AGBL4: variants seen among roughly 807,000 people sequenced by gnomAD.
AGBL4 encodes AGBL carboxypeptidase 4.
A neutral mutation model predicts 66.4 loss-of-function variants in AGBL4; 58 were observed. That is an observed-to-expected ratio of 0.87 (90% confidence interval 0.71 to 1.09). The LOEUF (loss-of-function observed/expected upper bound fraction) is 1.09. AGBL4 is among the 50% of genes least tolerant of loss of function. The pLI is 0.00. For synonymous variants in AGBL4, 234 were observed against 222.9 expected, an observed-to-expected ratio of 1.05 and a Z score of -0.44; for missense variants, 579 against 631.0, an observed-to-expected ratio of 0.92 and a Z score of 0.88.
chr1:49,785,893 A>ATAT (rs1553122705), intron 2 of AGBL4, among the ~76,000 whole-genome samples: 46 of 140,912 alleles, frequency 3.3e-4, no homozygotes, highest in African/African-American at 6.7e-4. Context: ...GGAAAAAAAA[A>ATAT]ATATATATAT....
At chr1:49,484,013 G>T (rs1647011123) in intron 3 of AGBL4, among the ~76,000 whole-genome samples, 1 of 151,930 alleles carries the variant, frequency 6.6e-6, no homozygotes, top group African/African-American at 2.4e-5. Flanking sequence ...CAACATTATT[G>T]ATCATCAGAG....
chr1:48,705,169 G>T (rs1646862717), intron 6 of AGBL4, among the ~76,000 whole-genome samples: 1 of 152,010 alleles, frequency 6.6e-6, no homozygotes, highest in Non-Finnish European at 1.5e-5. Context: ...ATTAGGGAAT[G>T]AATTTACAAA....
chr1:48,907,131 T>A (rs1392462718), intron 5 of AGBL4, among the ~76,000 whole-genome samples: 1 of 152,190 alleles, frequency 6.6e-6, no homozygotes, highest in Non-Finnish European at 1.5e-5. Flanking sequence ...GTCTTGGATA[T>A]GAAAAGCATT....
rs1186915086 is a variant in AGBL4 at position 49,530,278 on chromosome 1, A to AAAAAAAAAC, written c.282+167034_282+167035insGTTTTTTTT. ...AATTTGTAAAAAAAAAAAAACAAAA[A>AAAAAAAAAC]AAAACTCTATGAGTTTTTTTTTATT... On this transcript the variant is annotated intron_variant, in intron 3 of 13. Coordinates refer to ENST00000371839, the MANE Select transcript of AGBL4 (RefSeq NM_032785.4). Among the ~76,000 whole-genome samples the AAAAAAAAAC allele has an allele frequency of 2.1e-5, 3 of 145,118 alleles. 1 individual carries two copies. The highest frequency in any genetic ancestry group is 1.4e-4 in the Admixed American group (2 of 14,636).
chr1:49,063,075 T>G (rs1028148215), intron 4 of AGBL4, among the ~76,000 whole-genome samples: 1 of 152,220 alleles, frequency 6.6e-6, no homozygotes, highest in African/African-American at 2.4e-5. Context: ...TTAACTCATC[T>G]ACCAGCCTCC....
intron 2 of AGBL4, among the ~76,000 whole-genome samples, chr1:49,747,684 AT>A (rs932568060): frequency 6.6e-6 from 1 of 151,992 alleles, no homozygotes; most frequent in Non-Finnish European, 1.5e-5. Flanking sequence ...TTATTACTTA[AT>A]TTTTTTACAA....
intron 11 of AGBL4, among the ~76,000 whole-genome samples, chr1:48,550,906 C>T (rs1303391904): frequency 6.6e-6 from 1 of 152,154 alleles, no homozygotes; most frequent in Non-Finnish European, 1.5e-5. Context: ...TGTTGCCTAC[C>T]GTACTTCTTA....
At chr1:49,490,794 A>G (rs1647171371) in intron 3 of AGBL4, among the ~76,000 whole-genome samples, 1 of 151,788 alleles carries the variant, frequency 6.6e-6, no homozygotes, top group East Asian at 1.9e-4. Flanking sequence ...TGCATTACAT[A>G]CTTCTTGCAA....
intron 5 of AGBL4, among the ~76,000 whole-genome samples, chr1:48,989,502 C>G (rs958798837): frequency 6.6e-6 from 1 of 152,214 alleles, no homozygotes; most frequent in African/African-American, 2.4e-5. Context: ...CATTAACCAT[C>G]CCCACTCTAT....
intron 6 of AGBL4, among the ~76,000 whole-genome samples, chr1:48,695,058 C>T (rs780650899): frequency 1.3e-5 from 2 of 152,166 alleles, no homozygotes; most frequent in African/African-American, 4.8e-5. Flanking sequence ...TTCAAGAGCA[C>T]GAGATTCTGT....
chr1:48,587,021 G>A lies in AGBL4; in HGVS notation c.1250C>T (p.Pro417Leu), dbSNP rs1159593767. Residue 417 changes from proline (P) to leucine (L), a missense_variant, in exon 11 of 14, where the codon CCC becomes CTC. Pro to Leu is a moderately conservative substitution (Grantham distance 98, BLOSUM62 -3). Coordinates refer to ENST00000371839, the MANE Select transcript of AGBL4 (RefSeq NM_032785.4). ...YIISGTTAAV[P>L]YTEEAYMKLG... is the part of the protein sequence containing the mutation. ...AAGGATACAGGCTTCTTCAGTGTAG[G>A]GCACAGCAGCCGTGGTGCCACTGAT... is the stretch of plus-strand genomic sequence containing the variant. 1 of 1,610,192 alleles carries A rather than the reference G, an allele frequency of 6.2e-7. No individual in the cohort carries two copies. The highest frequency in any genetic ancestry group is 1.1e-5 in the South Asian group (1 of 89,828).
intron 3 of AGBL4, among the ~76,000 whole-genome samples, chr1:49,355,695 C>T (rs1343082446): frequency 6.6e-6 from 1 of 152,176 alleles, no homozygotes; most frequent in Non-Finnish European, 1.5e-5. Context: ...TTCATTCCAG[C>T]ATAATACTTT....
intron 1 of AGBL4, among the ~76,000 whole-genome samples, chr1:49,947,304 T>C (rs1301818358): frequency 6.6e-6 from 1 of 151,970 alleles, no homozygotes; most frequent in African/African-American, 2.4e-5. Flanking sequence ...AACAAAATAC[T>C]ACCTAACCCA....
At chr1:49,790,247 T>C (rs571758769) in intron 2 of AGBL4, among the ~76,000 whole-genome samples, 1 of 151,252 alleles carries the variant, frequency 6.6e-6, no homozygotes, top group Admixed American at 6.6e-5. Context: ...GCCTGTAGTG[T>C]CAACTACTCG....
intron 5 of AGBL4, among the ~76,000 whole-genome samples, chr1:48,927,176 T>TA (rs1465786856): frequency 3.9e-5 from 6 of 152,100 alleles, no homozygotes; most frequent in South Asian, 2.1e-4. Context: ...CTCATACTGC[T>TA]AAAAAAGACG....
intron 2 of AGBL4, among the ~76,000 whole-genome samples, chr1:49,834,545 A>G (rs1240635418): frequency 6.6e-6 from 1 of 151,210 alleles, no homozygotes; most frequent in Admixed American, 6.6e-5. Flanking sequence ...TCATGGATTC[A>G]TTGAAGGGTT....
intron 5 of AGBL4, among the ~76,000 whole-genome samples, chr1:49,013,141 A>T (rs1662574025): frequency 6.6e-6 from 1 of 152,244 alleles, no homozygotes; most frequent in Admixed American, 6.5e-5. Flanking sequence ...ACCCAGTCTC[A>T]GGTATTCAAT....
At chr1:49,930,025 C>T (rs1279840017) in intron 1 of AGBL4, among the ~76,000 whole-genome samples, 2 of 151,898 alleles carry the variant, frequency 1.3e-5, no homozygotes, top group African/African-American at 4.8e-5. Flanking sequence ...ATAATAAAGA[C>T]TACTAGTTCT....
intron 3 of AGBL4, among the ~76,000 whole-genome samples, chr1:49,506,021 A>C (rs1379181690): frequency 6.6e-6 from 1 of 151,636 alleles, no homozygotes; most frequent in African/African-American, 2.4e-5. Flanking sequence ...CATTTCACTC[A>C]TTGTATTTTT....
Sources: allele counts gnomAD v4.1 joint callset (sites outside exome capture counted in the v4.1 genomes callset), GRCh38; gene constraint gnomAD v4.1.1; transcripts MANE v1.5; gene names NCBI Gene and HGNC (gene_info 2026-07-23, HGNC 2026-07-21).